The following NUP210L variants were observed in gnomAD, a reference collection of about 807,000 sequenced individuals.
NUP210L encodes the protein nuclear pore membrane glycoprotein 210-like.
A neutral mutation model predicts 208.5 loss-of-function variants in NUP210L; 74 were observed. The observed-to-expected ratio is 0.35, with a 90% CI of 0.29 to 0.43. The LOEUF (loss-of-function observed/expected upper bound fraction) is 0.43. Ranked by LOEUF, NUP210L falls within the 20% of genes least tolerant of loss-of-function variation. The pLI is 1.00. For synonymous variants in NUP210L, 780 were observed against 816.9 expected, an observed-to-expected ratio of 0.95 and a Z score of 0.77; for missense variants, 1,843 against 2,289.4, an observed-to-expected ratio of 0.81 and a Z score of 3.98.
At chr1:154,018,778 A>T (rs1365260504) in intron 33 of NUP210L, among the ~76,000 whole-genome samples, 155 bp downstream of exon 33, 1 of 152,102 alleles carries the variant, frequency 6.6e-6, no homozygotes, top group Non-Finnish European at 1.5e-5. Flanking sequence ...AATCCTGAAC[A>T]CTGTTTAGCT....
chr1:153,995,049 C>A, intron 38 of NUP210L, 27 bp downstream of exon 38: 3 of 1,296,668 alleles, frequency 2.3e-6, no homozygotes, highest in Non-Finnish European at 3.3e-6. Flanking sequence ...ATGTCAAAGT[C>A]TATGTTATTG....
At chr1:154,008,568 G>A (rs1373313817) in intron 35 of NUP210L, among the ~76,000 whole-genome samples, 3 of 152,226 alleles carry the variant, frequency 2.0e-5, no homozygotes, top group East Asian at 3.9e-4. Context: ...TTATCTGGGC[G>A]TGGTGACACG....
At chr1:154,044,699 T>G (rs559369272) in intron 27 of NUP210L, among the ~76,000 whole-genome samples, 1 of 152,198 alleles carries the variant, frequency 6.6e-6, no homozygotes, top group Admixed American at 6.5e-5. Flanking sequence ...AAGATATAAC[T>G]CTAATTCTTT....
At chr1:154,062,736 C>A (rs1025220017) in intron 17 of NUP210L, among the ~76,000 whole-genome samples, 1 of 151,636 alleles carries the variant, frequency 6.6e-6, no homozygotes, top group African/African-American at 2.4e-5. Context: ...CACAGGTGCA[C>A]GTCAACATGC....
intron 27 of NUP210L, among the ~76,000 whole-genome samples, chr1:154,030,418 C>T (rs1370789296): frequency 2.0e-5 from 3 of 152,034 alleles, no homozygotes; most frequent in Non-Finnish European, 2.9e-5. Context: ...CCACCTCACT[C>T]TCCCTAGTAG....
At chr1:154,012,930 T>C (rs1042213637) in intron 33 of NUP210L, among the ~76,000 whole-genome samples, 1 of 135,522 alleles carries the variant, frequency 7.4e-6, no homozygotes, top group African/African-American at 2.8e-5. Flanking sequence ...CGCTTGAACC[T>C]GGGAGGCAGA....
chr1:154,054,883 A>G (rs1454456958), intron 23 of NUP210L, 51 bp from the exon 24 acceptor site: 1 of 1,274,104 alleles, frequency 7.8e-7, no homozygotes, highest in South Asian at 1.2e-5. Context: ...AGTCAATTTT[A>G]TAACATATCA....
chr1:154,021,494 TA>T lies in NUP210L; in HGVS notation c.4516+631del, dbSNP rs549683495. Among the ~76,000 whole-genome samples, 146 of 141,032 alleles carry T rather than the reference TA, an allele frequency of 1.0e-3. 1 individual carries two copies. The highest frequency in any genetic ancestry group is 3.1e-3 in the African/African-American group (119 of 38,610). The allele number at this position is 141,032 out of a possible 152,430, so 92.5% of individuals were successfully genotyped here. On this transcript the variant is annotated intron_variant, in intron 32 of 39. Coordinates refer to ENST00000368559, the Ensembl canonical transcript of NUP210L. The stretch of plus-strand genomic sequence containing the variant: ...GAATGACAGAGTGAGACTCTGTCTC[TA>T]AAAAAAAAAACAAAACAAAGTATAG...
At chr1:154,131,975 A>G (rs1658280045) in intron 7 of NUP210L, among the ~76,000 whole-genome samples, 1 of 151,794 alleles carries the variant, frequency 6.6e-6, no homozygotes, top group African/African-American at 2.4e-5. Flanking sequence ...ACGCCCTGCT[A>G]ATTTTTATAT....
At chr1:154,024,672 G>GC (rs1651754774) in intron 30 of NUP210L, among the ~76,000 whole-genome samples, 1 of 147,142 alleles carries the variant, frequency 6.8e-6, no homozygotes. Context: ...GCAGACATGT[G>GC]CCACCAAGCC....
chr1:154,119,928 C>G (rs1328177336), intron 10 of NUP210L, among the ~76,000 whole-genome samples: 1 of 152,186 alleles, frequency 6.6e-6, no homozygotes, highest in Non-Finnish European at 1.5e-5. Flanking sequence ...ATGGCTGGGT[C>G]AAATGGTATT....
chr1:154,036,314 A>ATGTGTG (rs57011341), intron 27 of NUP210L, among the ~76,000 whole-genome samples: 152 of 108,178 alleles, frequency 1.4e-3, no homozygotes, highest in Non-Finnish European at 2.0e-3. Flanking sequence ...CAGTTGGAAC[A>ATGTGTG]TGTGTGTGTG....
intron 10 of NUP210L, among the ~76,000 whole-genome samples, chr1:154,119,640 T>C (rs1395744891): frequency 6.6e-6 from 1 of 152,028 alleles, no homozygotes; most frequent in Non-Finnish European, 1.5e-5. Flanking sequence ...ATAATAAGGT[T>C]CTACAGGGCT....
At chr1:154,154,960 G>A in exon 1 of NUP210L, 1 of 1,614,196 alleles carries the variant, frequency 6.2e-7, no homozygotes, top group South Asian at 1.1e-5. Flanking sequence ...CGCAAAACCA[G>A]AAACAACAAC....
intron 7 of NUP210L, among the ~76,000 whole-genome samples, chr1:154,133,205 A>G (rs912713674): frequency 6.6e-6 from 1 of 152,144 alleles, no homozygotes; most frequent in African/African-American, 2.4e-5. Flanking sequence ...TCTTTCACCA[A>G]TTATCCACAT....
At chr1:154,035,190 C>T (rs578056398) in intron 27 of NUP210L, among the ~76,000 whole-genome samples, 1 of 151,912 alleles carries the variant, frequency 6.6e-6, no homozygotes, top group African/African-American at 2.4e-5. Flanking sequence ...TTCTCTTTTT[C>T]TTAGTCTGTC....
intron 30 of NUP210L, among the ~76,000 whole-genome samples, 188 bp downstream of exon 30, chr1:154,025,354 C>G (rs1298464821): frequency 9.3e-6 from 1 of 107,884 alleles, no homozygotes; most frequent in South Asian, 3.5e-4. Context: ...TTCTTCTTCT[C>G]CTTTTTTTTT....
rs919675237 is a variant in NUP210L, at chr1:154,127,338, T to G, written c.1158A>C (p.Lys386Asn). 7 of 1,597,986 alleles carry G rather than the reference T, an allele frequency of 4.4e-6. No homozygotes were observed. In the African/African-American group the frequency reaches 6.7e-5, roughly 15 times the overall value. ...CTGAAATATAGACCTTTGTGCTGCT[T>G]TTATCAAAGACGTCTACTGTAATGA... is the stretch of plus-strand genomic sequence containing the variant. The change falls in exon 9 of 40, where the codon AAA (lysine) becomes AAC (asparagine). Residue 386 changes from lysine (K) to asparagine (N), a missense_variant. Lys to Asn is a moderately conservative substitution (Grantham distance 94). Coordinates refer to ENST00000368559, the Ensembl canonical transcript of NUP210L.
intron 29 of NUP210L, 61 bp downstream of exon 29, chr1:154,027,445 T>C: frequency 8.5e-7 from 1 of 1,174,002 alleles, no homozygotes; most frequent in South Asian, 1.3e-5. Flanking sequence ...TCTATGTCAA[T>C]GTTTTACTGA....
Sources: allele counts gnomAD v4.1 joint callset (sites outside exome capture counted in the v4.1 genomes callset), GRCh38; gene constraint gnomAD v4.1.1; transcripts MANE v1.5; gene names NCBI Gene and HGNC (gene_info 2026-07-23, HGNC 2026-07-21).